Variants in ARHGEF9 observed in about 807,000 individuals in gnomAD.
ARHGEF9 encodes the protein rho guanine nucleotide exchange factor 9.
A neutral mutation model predicts 41.3 loss-of-function variants in ARHGEF9; 2 were observed. The observed-to-expected ratio is 0.05, with a 90% confidence interval of 0.02 to 0.15. The LOEUF (loss-of-function observed/expected upper bound fraction) is 0.15, where lower values mean the gene tolerates loss of function less well. Among genes scored for constraint, ARHGEF9 ranks in the 10% least tolerant of loss-of-function variants. The pLI, the probability that ARHGEF9 is intolerant of heterozygous loss-of-function variation, is 1.00. For synonymous variants in ARHGEF9, 160 were observed against 154.4 expected (o/e 1.04, Z -0.27); for missense variants, 225 against 424.7 (o/e 0.53, Z 4.13).
chrX:63,738,361 C>A (rs1556424549), intron 1 of ARHGEF9, among the ~76,000 whole-genome samples: 1 of 111,757 alleles, frequency 8.9e-6, no homozygotes, highest in East Asian at 2.8e-4. Context: ...CTCTCTTGGA[C>A]CTTTTGAATT....
At chrX:63,643,625 G>A (rs1556308913) in intron 9 of ARHGEF9, among the ~76,000 whole-genome samples, 1 of 110,298 alleles carries the variant, frequency 9.1e-6, no homozygotes. Context: ...GATTACAGGC[G>A]TGAGCCATCA....
chrX:63,655,798 C>A, intron 7 of ARHGEF9, 61 bp from the exon 8 acceptor site: 1 of 1,161,191 alleles, frequency 8.6e-7, no homozygotes, highest in African/African-American at 1.8e-5. Flanking sequence ...GAAGAGTTGG[C>A]ACAGGGGCAC....
intron 1 of ARHGEF9, 83 bp downstream of exon 1, chrX:63,785,033 C>G: frequency 8.9e-7 from 1 of 1,117,705 alleles, no homozygotes; most frequent in Non-Finnish European, 1.2e-6. Context: ...TGCTCACTGC[C>G]TTGTGGCTCG....
At chrX:63,779,905 T>C (rs2056354606) in intron 1 of ARHGEF9, among the ~76,000 whole-genome samples, 1 of 111,877 alleles carries the variant, frequency 8.9e-6, no homozygotes, top group Non-Finnish European at 1.9e-5. Context: ...TTTTTAGGTG[T>C]ACACTTGCCA....
At chrX:63,674,530 T>A (rs1336367697) in intron 5 of ARHGEF9, among the ~76,000 whole-genome samples, 1 of 109,801 alleles carries the variant, frequency 9.1e-6, no homozygotes, top group Non-Finnish European at 1.9e-5. Flanking sequence ...AGACTAAGAG[T>A]TTTTAAGGAT....
In ARHGEF9 at chrX:63,637,399, G is replaced by A. The variant is rs1556299180; in HGVS notation, c.*629C>T. On this transcript the variant is annotated 3_prime_UTR_variant, in exon 10 of 10. Coordinates refer to ENST00000671741, the MANE Select transcript of ARHGEF9 (RefSeq NM_001353921.2). ...CAGACTGGCATGACTGAGGACAGAG[G>A]ATGCTGAAAAAAGGTTATTTGGGGC... The A allele has an allele frequency of 1.4e-5, 4 of 292,968 alleles. No homozygotes were observed. The highest frequency in any genetic ancestry group is 2.4e-5 in the Non-Finnish European group (4 of 169,024). 24.1% of individuals were successfully genotyped at this position (292,968 alleles called of 1,213,427 possible).
intron 1 of ARHGEF9, among the ~76,000 whole-genome samples, chrX:63,779,073 C>T (rs1276278025): frequency 8.9e-6 from 1 of 111,801 alleles, no homozygotes; most frequent in African/African-American, 3.3e-5. Context: ...AAGCCAGGTC[C>T]TAAACCTAGG....
intron 1 of ARHGEF9, among the ~76,000 whole-genome samples, chrX:63,741,899 T>C: frequency 8.9e-6 from 1 of 112,687 alleles, no homozygotes; most frequent in Admixed American, 9.3e-5. Context: ...ATACATCCCA[T>C]GTGTCTGAGT....
chrX:63,686,932 G>C (rs2051020774), intron 4 of ARHGEF9, among the ~76,000 whole-genome samples: 1 of 110,196 alleles, frequency 9.1e-6, no homozygotes, highest in African/African-American at 3.3e-5. Context: ...AAAAATAAAA[G>C]TGGACAGCTA....
chrX:63,736,777 T>C (rs1321528856), intron 1 of ARHGEF9, among the ~76,000 whole-genome samples: 3 of 112,026 alleles, frequency 2.7e-5, no homozygotes, highest in Non-Finnish European at 3.8e-5. Flanking sequence ...ACCATTTTAC[T>C]ATCTATCTAT....
intron 1 of ARHGEF9, among the ~76,000 whole-genome samples, chrX:63,743,792 GTTCCTCTT>G (rs1438978759): frequency 5.3e-5 from 6 of 112,203 alleles, no homozygotes; most frequent in South Asian, 3.7e-4. Context: ...TTTCTTCCAA[GTTCCTCTT>G]TTAACTTTGC....
chrX:63,784,764 C>G (rs1556464286), intron 1 of ARHGEF9, among the ~76,000 whole-genome samples: 1 of 111,092 alleles, frequency 9.0e-6, no homozygotes. Flanking sequence ...CAGCCTCCTG[C>G]GAGCTTCACT....
At chrX:63,767,134 C>T in intron 1 of ARHGEF9, 2 of 936,829 alleles carry the variant, frequency 2.1e-6, no homozygotes, top group Non-Finnish European at 3.1e-6. Context: ...ACAGGCCATG[C>T]TGTGACAAAG....
chrX:63,759,877 G>A (rs1365618539), intron 1 of ARHGEF9, among the ~76,000 whole-genome samples: 4 of 111,670 alleles, frequency 3.6e-5, no homozygotes, highest in Non-Finnish European at 5.7e-5. Context: ...GATATGGAGC[G>A]CAGATGTAAA....
At chrX:63,759,399 CT>C (rs782819637) in intron 1 of ARHGEF9, among the ~76,000 whole-genome samples, 6 of 111,448 alleles carry the variant, frequency 5.4e-5, no homozygotes, top group Non-Finnish European at 9.4e-5. Flanking sequence ...CCTGCCATCC[CT>C]TCTGCAACAT....
chrX:63,643,263 G>C (rs1360138196), intron 9 of ARHGEF9, among the ~76,000 whole-genome samples: 1 of 111,627 alleles, frequency 9.0e-6, no homozygotes, highest in Middle Eastern at 4.2e-3. Context: ...TGAATCTTTT[G>C]TCTTGGCTTA....
At chrX:63,670,252 A>G (rs1251054841) in intron 6 of ARHGEF9, 10 of 111,829 alleles carry the variant, frequency 8.9e-5, no homozygotes, top group African/African-American at 3.3e-4. Flanking sequence ...CAGAGGAGTA[A>G]CAAATCCATC....
intron 2 of ARHGEF9, among the ~76,000 whole-genome samples, chrX:63,714,792 C>T (rs2053185648): frequency 8.9e-6 from 1 of 111,917 alleles, no homozygotes; most frequent in Admixed American, 9.5e-5. Flanking sequence ...TCATCTGCCC[C>T]TAGAACAATG....
At chrX:63,674,683 C>G (rs1158294028) in intron 5 of ARHGEF9, among the ~76,000 whole-genome samples, 1 of 111,687 alleles carries the variant, frequency 9.0e-6, no homozygotes, top group Non-Finnish European at 1.9e-5. Context: ...TTCATCTTCT[C>G]TATCTTAGTG....
Sources: allele counts gnomAD v4.1 joint callset (sites outside exome capture counted in the v4.1 genomes callset), GRCh38; gene constraint gnomAD v4.1.1; transcripts MANE v1.5; gene names NCBI Gene and HGNC (gene_info 2026-07-23, HGNC 2026-07-21).